RNLS: variants seen among roughly 807,000 people sequenced by gnomAD.
RNLS encodes the protein renalase.
Under a neutral mutation model 39.8 loss-of-function variants are expected in RNLS, and 39 were observed. That is an observed-to-expected ratio of 0.98 (90% CI 0.76 to 1.28). The LOEUF (loss-of-function observed/expected upper bound fraction) is 1.28. Ranked by LOEUF, RNLS falls within the 50% of genes most tolerant of loss-of-function variation. The pLI is 0.00. For missense variants in RNLS, 410 were observed against 413.3 expected, an observed-to-expected ratio of 0.99 and a Z score of 0.07; for synonymous variants, 147 against 150.7, an observed-to-expected ratio of 0.98 and a Z score of 0.18.
At chr10:88,582,884 C>T (rs1470087849) in intron 1 of RNLS, among the ~76,000 whole-genome samples, 189 bp downstream of exon 1, 1 of 152,178 alleles carries the variant, frequency 6.6e-6, no homozygotes, top group East Asian at 1.9e-4. Flanking sequence ...GGGCCTTTTC[C>T]CGGGCGGCGG....
chr10:88,290,063 T>G (rs1328180382), intron 6 of RNLS, among the ~76,000 whole-genome samples: 1 of 151,620 alleles, frequency 6.6e-6, no homozygotes, highest in Non-Finnish European at 1.5e-5. Context: ...GCTTTTGGTG[T>G]GAAAATGAAA....
intron 4 of RNLS, among the ~76,000 whole-genome samples, chr10:88,416,441 T>C (rs2133732364): frequency 6.6e-6 from 1 of 151,946 alleles, no homozygotes; most frequent in East Asian, 1.9e-4. Flanking sequence ...TTAGTAGAGA[T>C]GGGTTTTCTC....
At chr10:88,298,413 C>T (rs113538408) in intron 6 of RNLS, among the ~76,000 whole-genome samples, 232 of 152,110 alleles carry the variant, frequency 1.5e-3, no homozygotes, top group African/African-American at 4.6e-3. Context: ...TTGCCAAATC[C>T]GAGGTTATGA....
At chr10:88,440,990 TTAG>T (rs1436951117) in intron 4 of RNLS, among the ~76,000 whole-genome samples, 25 of 152,282 alleles carry the variant, frequency 1.6e-4, no homozygotes, top group African/African-American at 5.8e-4. Flanking sequence ...AAATTATAAA[TTAG>T]CACAAAAAAA....
At chr10:88,276,872 A>G (rs1842830375) in intron 6 of RNLS, among the ~76,000 whole-genome samples, 1 of 152,156 alleles carries the variant, frequency 6.6e-6, no homozygotes, top group South Asian at 2.1e-4. Flanking sequence ...AATATTTGCA[A>G]TTTCCCTCTA....
At chr10:88,278,063 A>G (rs910069247) in intron 6 of RNLS, among the ~76,000 whole-genome samples, 3 of 152,182 alleles carry the variant, frequency 2.0e-5, no homozygotes, top group African/African-American at 7.2e-5. Flanking sequence ...TGGTTTATTT[A>G]GTGAGTGGGT....
chr10:88,286,347 C>T (rs1019514160), intron 6 of RNLS, among the ~76,000 whole-genome samples: 2 of 151,956 alleles, frequency 1.3e-5, no homozygotes, highest in African/African-American at 4.8e-5. Flanking sequence ...TTTTTATTTT[C>T]ATATCTGAAA....
chr10:88,204,104 A>G, the RNLS span, among the ~76,000 whole-genome samples: 1 of 152,038 alleles, frequency 6.6e-6, no homozygotes, highest in African/African-American at 2.4e-5. Context: ...ATTTTCCCCA[A>G]TCAGCAGGTC....
intron 5 of RNLS, among the ~76,000 whole-genome samples, chr10:88,319,923 T>C (rs1355089536): frequency 6.6e-6 from 1 of 151,770 alleles, no homozygotes; most frequent in Non-Finnish European, 1.5e-5. Flanking sequence ...CATCCAGATA[T>C]AAGAAATTTA....
chr10:88,517,330 T>C (rs1000652384), intron 4 of RNLS, among the ~76,000 whole-genome samples: 1 of 151,988 alleles, frequency 6.6e-6, no homozygotes, highest in Non-Finnish European at 1.5e-5. Flanking sequence ...ATGCACCATT[T>C]ATTAACAAAA....
intron 5 of RNLS, among the ~76,000 whole-genome samples, chr10:88,319,177 A>G (rs1845989875): frequency 6.6e-6 from 1 of 152,216 alleles, no homozygotes; most frequent in Non-Finnish European, 1.5e-5. Flanking sequence ...AAGGACCCAT[A>G]CAGCACCTTG....
At chr10:88,288,789 AT>A (rs993872646) in intron 6 of RNLS, among the ~76,000 whole-genome samples, 3 of 152,188 alleles carry the variant, frequency 2.0e-5, no homozygotes, top group Admixed American at 2.0e-4. Flanking sequence ...ATCTCACTGC[AT>A]TTAGGTGGAA....
At chr10:88,206,180 C>A in the RNLS span, among the ~76,000 whole-genome samples, 2 of 152,196 alleles carry the variant, frequency 1.3e-5, no homozygotes, top group East Asian at 3.8e-4. Flanking sequence ...TGGACTGCAA[C>A]ATTCTGAAGC....
chr10:88,575,159 TACACACACAC>T (rs375572767), intron 3 of RNLS, among the ~76,000 whole-genome samples: 1 of 43,388 alleles, frequency 2.3e-5, no homozygotes, highest in East Asian at 8.2e-4. Flanking sequence ...TATATATATA[TACACACACAC>T]ACACACACAC....
chr10:88,310,617 C>A (rs1442057244), intron 6 of RNLS, among the ~76,000 whole-genome samples: 3 of 151,488 alleles, frequency 2.0e-5, no homozygotes, highest in East Asian at 3.9e-4. Flanking sequence ...ATAGCAAGAC[C>A]CCGTGACTAC....
chr10:88,215,576 T>C, the RNLS span, among the ~76,000 whole-genome samples: 2 of 152,262 alleles, frequency 1.3e-5, no homozygotes, highest in Middle Eastern at 3.4e-3. Context: ...GTGTCCATGA[T>C]CACTGTTTTG....
intron 4 of RNLS, among the ~76,000 whole-genome samples, chr10:88,384,123 G>A (rs1344743413): frequency 6.6e-6 from 1 of 151,796 alleles, no homozygotes; most frequent in Non-Finnish European, 1.5e-5. Flanking sequence ...TTTGACTCTT[G>A]GCCTAAAAAG....
chr10:88,494,649 T>C (rs1456986171), intron 4 of RNLS, among the ~76,000 whole-genome samples: 2 of 151,894 alleles, frequency 1.3e-5, no homozygotes, highest in Non-Finnish European at 2.9e-5. Flanking sequence ...TTTCAAGGAG[T>C]AATATTACCA....
chr10:88,429,266 C>T (rs1854998593), intron 4 of RNLS, among the ~76,000 whole-genome samples: 1 of 151,962 alleles, frequency 6.6e-6, no homozygotes, highest in South Asian at 2.1e-4. Flanking sequence ...ATACTAACAA[C>T]ATCCTCTTTA....
Sources: gnomAD v4.1 joint callset for allele counts (sites outside exome capture counted in the v4.1 genomes callset) on GRCh38, gnomAD v4.1.1 for gene constraint, MANE v1.5 for transcripts, NCBI Gene and HGNC (gene_info 2026-07-23, HGNC 2026-07-21) for gene names.